The following APOLD1 variants were observed in gnomAD, a reference collection of about 807,000 sequenced individuals.
APOLD1 encodes apolipoprotein L domain containing 1, also known as apolipoprotein L domain-containing protein 1.
APOLD1 carries 22 observed loss-of-function variants against 15.3 expected under a neutral mutation model. That is an observed-to-expected ratio of 1.44 (90% CI 1.03 to 2.05). The LOEUF (loss-of-function observed/expected upper bound fraction) is 2.05. APOLD1 is among the 30% of genes most tolerant of loss of function. The pLI, the probability that APOLD1 is intolerant of heterozygous loss-of-function variation, is 0.00. For synonymous variants in APOLD1, 190 were observed against 167.4 expected, an observed-to-expected ratio of 1.13 and a Z score of -1.04; for missense variants, 394 against 353.5, an observed-to-expected ratio of 1.11 and a Z score of -0.92.
At position 12,787,080 on chromosome 12, in the gene APOLD1, G is replaced by A. The variant is rs766270857; in HGVS notation, c.175G>A (p.Gly59Ser). The change falls in exon 2 of 2, where the codon GGC becomes AGC. Residue 59 changes from glycine to serine, a missense_variant. By Grantham distance (56) the Gly-to-Ser change is moderately conservative. Transcript: ENST00000356591. This position sits in a 1 kb window ranked among gnomAD's most constrained non-coding sequence, Gnocchi z 4.9. ...RRRSLVANVA[G>S]SSLSATGALA... is the part of the protein sequence containing the mutation. The stretch of plus-strand genomic sequence containing the variant: ...GCGCTCCCTCGTAGCCAACGTGGCC[G>A]GCAGCTCGCTGAGCGCAACGGGCGC... The A allele has an allele frequency of 7.0e-5, 97 of 1,393,570 alleles. 1 individual carries two copies. In the South Asian group the frequency reaches 1.5e-3, roughly 22 times the overall value. The allele number at this position is 1,393,570 out of a possible 1,614,324, so 86.3% of individuals were successfully genotyped here. A position where few individuals can be genotyped will look rare whatever the true frequency, so the allele number is the denominator to read the frequency against.
intron 1 of APOLD1, among the ~76,000 whole-genome samples, chr12:12,726,648 T>G (rs1299436556): frequency 6.6e-6 from 1 of 152,208 alleles, no homozygotes; most frequent in Non-Finnish European, 1.5e-5. Context: ...TAACCAGATA[T>G]CCAGCACTAG....
intron 1 of APOLD1, among the ~76,000 whole-genome samples, chr12:12,756,120 A>T (rs1946856204): frequency 6.6e-6 from 1 of 152,218 alleles, no homozygotes; most frequent in Admixed American, 6.5e-5. Flanking sequence ...TGTCAGATGA[A>T]GGCAGACCCG....
intron 1 of APOLD1, among the ~76,000 whole-genome samples, chr12:12,748,501 C>G (rs1255777880): frequency 6.6e-6 from 1 of 152,184 alleles, no homozygotes; most frequent in Non-Finnish European, 1.5e-5. Context: ...AAAACCGATA[C>G]ATAATGCTTG....
At chr12:12,739,428 G>A (rs1946714067) in intron 1 of APOLD1, among the ~76,000 whole-genome samples, 2 of 152,164 alleles carry the variant, frequency 1.3e-5, no homozygotes, top group Admixed American at 6.6e-5. Flanking sequence ...ACTCCTGCAA[G>A]CATTTTCAAG....
intron 1 of APOLD1, among the ~76,000 whole-genome samples, chr12:12,758,487 G>T (rs933066063): frequency 2.0e-5 from 3 of 152,108 alleles, no homozygotes; most frequent in African/African-American, 7.2e-5. Flanking sequence ...GGAGGTTGCA[G>T]TGAGCCAAGA....
At chr12:12,730,083 A>T (rs112111874) in intron 1 of APOLD1, among the ~76,000 whole-genome samples, 112 of 100,456 alleles carry the variant, frequency 1.1e-3, no homozygotes, top group Non-Finnish European at 1.7e-3. Flanking sequence ...TGTGTGAGAG[A>T]GAGAGAGAGA....
chr12:12,787,110 G>T lies in APOLD1; in HGVS notation c.205G>T (p.Ala69Ser). The change falls in exon 2 of 2, where the codon GCC becomes TCC. Residue 69 changes from alanine (A) to serine (S), a missense_variant. Physicochemically the swap from Ala to Ser is moderately conservative, Grantham distance 99. Coordinates refer to ENST00000356591, the MANE Select transcript of APOLD1 (RefSeq NM_030817.3). This position sits in a 1 kb window ranked among gnomAD's most constrained non-coding sequence, Gnocchi z 4.9. ...CTCGCTGAGCGCAACGGGCGCCCTC[G>T]CCGCCATCGTGGGGCTCTCGCTCAG... Reference protein sequence around the residue: ...GSSLSATGALAAIVGLSLSPV... With the variant: ...GSSLSATGALSAIVGLSLSPV... 2.1e-6 allele frequency: 3 copies of T among 1,422,730 alleles called. No homozygotes were observed. Among genetic ancestry groups the T allele is most frequent in the Non-Finnish European group, 1.8e-6 (2 of 1,099,192 alleles). 88.1% of individuals were successfully genotyped at this position (1,422,730 alleles called of 1,614,324 possible). A position where few individuals can be genotyped will look rare whatever the true frequency, so the allele number is the denominator to read the frequency against.
At position 12,786,701 on chromosome 12, in the gene APOLD1, C is replaced by T. The variant is rs558080260; in HGVS notation, c.4-208C>T. On this transcript the variant is annotated intron_variant, in intron 1 of 1. Coordinates refer to ENST00000356591, the MANE Select transcript of APOLD1 (RefSeq NM_030817.3). Reference sequence around the variant, plus strand: ...CTATTTCCATATGCAGAGATAAGGTCCTGAGAACTTGTGTGGCTCCCCCCG... The same window carrying T: ...CTATTTCCATATGCAGAGATAAGGTTCTGAGAACTTGTGTGGCTCCCCCCG... 6 of 985,424 alleles carry T rather than the reference C, an allele frequency of 6.1e-6. No homozygotes were observed. In the South Asian group the frequency reaches 2.8e-4, roughly 46 times the overall value. 61.0% of individuals were successfully genotyped at this position (985,424 alleles called of 1,614,324 possible).
chr12:12,734,381 G>A (rs1023893560), intron 1 of APOLD1, among the ~76,000 whole-genome samples: 1 of 152,218 alleles, frequency 6.6e-6, no homozygotes, highest in Non-Finnish European at 1.5e-5. Context: ...CAAGTTAGCC[G>A]ACTAATCTTT....
intron 1 of APOLD1, among the ~76,000 whole-genome samples, chr12:12,774,900 A>G (rs1370702020): frequency 6.6e-6 from 1 of 152,208 alleles, no homozygotes; most frequent in Non-Finnish European, 1.5e-5. Context: ...GCAGTTTCTT[A>G]CAAAACTAAA....
intron 1 of APOLD1, among the ~76,000 whole-genome samples, chr12:12,767,101 C>T (rs898355964): frequency 1.3e-5 from 2 of 151,588 alleles, no homozygotes; most frequent in African/African-American, 4.8e-5. Context: ...CAAAAATCAG[C>T]CGGGTGTGGT....
intron 1 of APOLD1, among the ~76,000 whole-genome samples, chr12:12,754,212 A>AAAAAAAAAAAAAAAAT (rs71064322): frequency 1.7e-5 from 2 of 117,876 alleles, no homozygotes; most frequent in East Asian, 5.9e-4. Context: ...CAAAAAAAAA[A>AAAAAAAAAAAAAAAAT]GGAAAAAGAA....
intron 1 of APOLD1, among the ~76,000 whole-genome samples, chr12:12,756,878 C>T (rs528479949): frequency 9.2e-5 from 14 of 152,280 alleles, no homozygotes; most frequent in South Asian, 2.1e-4. Context: ...CCTCCACCTA[C>T]CGGGTTCAAG....
chr12:12,770,037 C>G (rs1383131964), intron 1 of APOLD1, among the ~76,000 whole-genome samples: 1 of 152,128 alleles, frequency 6.6e-6, no homozygotes, highest in Non-Finnish European at 1.5e-5. Flanking sequence ...GAACCAGATG[C>G]TCTGGATAAA....
chr12:12,785,288 A>C (rs1947115390), upstream of APOLD1, among the ~76,000 whole-genome samples: 1 of 152,084 alleles, frequency 6.6e-6, no homozygotes, highest in Non-Finnish European at 1.5e-5. Flanking sequence ...ATGATTTTGT[A>C]ATGGTGGCCT....
At chr12:12,744,441 T>G (rs1277268947) in intron 1 of APOLD1, among the ~76,000 whole-genome samples, 2 of 151,338 alleles carry the variant, frequency 1.3e-5, no homozygotes, top group African/African-American at 4.9e-5. Flanking sequence ...AAACCCCATC[T>G]CTACTAAAAT....
intron 1 of APOLD1, among the ~76,000 whole-genome samples, chr12:12,751,542 G>A (rs767170448): frequency 1.3e-5 from 2 of 152,140 alleles, no homozygotes; most frequent in African/African-American, 2.4e-5. Context: ...GAAGAGACAA[G>A]GCATTGCTAT....
intron 1 of APOLD1, among the ~76,000 whole-genome samples, chr12:12,767,028 C>G (rs1335076112): frequency 6.6e-6 from 1 of 151,414 alleles, no homozygotes; most frequent in African/African-American, 2.4e-5. Flanking sequence ...GGTGGATCAC[C>G]GGAGGTCAGG....
At chr12:12,778,686 T>C (rs961153829) in intron 1 of APOLD1, among the ~76,000 whole-genome samples, 6 of 152,122 alleles carry the variant, frequency 3.9e-5, no homozygotes, top group African/African-American at 1.4e-4. Context: ...TGCCAGTGGA[T>C]GTGATGGCTA....
Sources: gnomAD v4.1 joint callset for allele counts (sites outside exome capture counted in the v4.1 genomes callset) on GRCh38, gnomAD v4.1.1 for gene constraint, Gnocchi (gnomAD v3.1) non-coding constraint, MANE v1.5 for transcripts, NCBI Gene and HGNC (gene_info 2026-07-23, HGNC 2026-07-21) for gene names.